The following PARD3B variants were observed in gnomAD, a reference collection of about 807,000 sequenced individuals.
PARD3B encodes the protein partitioning defective 3 homolog B.
PARD3B carries 103 observed loss-of-function variants against 130.2 expected under a neutral mutation model. The observed-to-expected ratio is 0.79, with a 90% CI of 0.67 to 0.93. The LOEUF (loss-of-function observed/expected upper bound fraction) is 0.93, where lower values mean the gene tolerates loss of function less well. PARD3B is among the 40% of genes least tolerant of loss of function. The probability of loss-of-function intolerance (pLI) is 0.00; values close to 1 mark genes in which losing one functional copy is unlikely to be tolerated. For missense variants in PARD3B, 1,609 were observed against 1,499.2 expected, an observed-to-expected ratio of 1.07 and a Z score of -1.21; for synonymous variants, 583 against 553.2, an observed-to-expected ratio of 1.05 and a Z score of -0.76.
At chr2:205,304,288 G>A (rs1179926581) in intron 18 of PARD3B, among the ~76,000 whole-genome samples, 1 of 152,064 alleles carries the variant, frequency 6.6e-6, no homozygotes, top group Non-Finnish European at 1.5e-5. Flanking sequence ...GCTATCACCT[G>A]GGGTGAGGTT....
chr2:205,330,159 G>A (rs1442104450), intron 18 of PARD3B, among the ~76,000 whole-genome samples: 1 of 151,426 alleles, frequency 6.6e-6, no homozygotes, highest in Non-Finnish European at 1.5e-5. Context: ...TGACCAACAT[G>A]GAGAAACCCT....
chr2:205,252,292 T>A (rs769789130), intron 16 of PARD3B, among the ~76,000 whole-genome samples: 6 of 152,180 alleles, frequency 3.9e-5, no homozygotes, highest in Non-Finnish European at 8.8e-5. Context: ...TACACAGATA[T>A]TGTGTTAAGT....
chr2:205,041,787 C>T (rs1286086242), intron 3 of PARD3B, among the ~76,000 whole-genome samples: 3 of 152,124 alleles, frequency 2.0e-5, no homozygotes, highest in African/African-American at 7.2e-5. Flanking sequence ...TGCCTTGTAA[C>T]TTTTGATGTG....
At chr2:204,897,335 C>T (rs1383673997) in intron 2 of PARD3B, among the ~76,000 whole-genome samples, 1 of 148,432 alleles carries the variant, frequency 6.7e-6, no homozygotes, top group African/African-American at 2.5e-5. Context: ...TTGTGTGTAG[C>T]TCAGTGTGTA....
intron 2 of PARD3B, among the ~76,000 whole-genome samples, chr2:204,912,129 G>C (rs2047260489): frequency 6.6e-6 from 1 of 152,028 alleles, no homozygotes; most frequent in Admixed American, 6.6e-5. Context: ...GTATTCATTT[G>C]GGTTATTCAT....
chr2:205,560,943 G>A (rs1445463963), intron 22 of PARD3B, among the ~76,000 whole-genome samples: 3 of 152,140 alleles, frequency 2.0e-5, no homozygotes, highest in Non-Finnish European at 4.4e-5. Context: ...GAAGAAATAC[G>A]CCATAAGAGC....
intron 18 of PARD3B, among the ~76,000 whole-genome samples, chr2:205,344,269 T>A (rs1008955559): frequency 2.0e-5 from 3 of 150,784 alleles, no homozygotes; most frequent in African/African-American, 7.3e-5. Context: ...GCCGTGGAAC[T>A]GTTAAAAGAC....
chr2:204,588,871 G>C (rs1445525195), intron 1 of PARD3B, among the ~76,000 whole-genome samples: 1 of 152,052 alleles, frequency 6.6e-6, no homozygotes, highest in African/African-American at 2.4e-5. Context: ...AGAGGGCTAG[G>C]CATCTGTACT....
At chr2:205,221,817 T>C (rs1369568847) in intron 15 of PARD3B, among the ~76,000 whole-genome samples, 1 of 152,182 alleles carries the variant, frequency 6.6e-6, no homozygotes, top group East Asian at 1.9e-4. Flanking sequence ...CATGCCTGTC[T>C]TGGTAAAAGT....
Position 205,575,084 on chromosome 2 carries a change from GACACACACAC to G in PARD3B, c.3260+21702_3260+21711del, listed in dbSNP as rs3077829. On this transcript the variant is annotated intron_variant, in intron 22 of 22. Transcript: ENST00000406610. This position sits in a 1 kb window ranked among gnomAD's most constrained non-coding sequence, Gnocchi z 4.6. ...AATACATTATATACACATTTAAATA[GACACACACAC>G]ACACACACACACACACACACGCGTA... Among the ~76,000 whole-genome samples the G allele has an allele frequency of 6.2e-5, 8 of 128,520 alleles. No individual in the cohort carries two copies. Among genetic ancestry groups the G allele is most frequent in the East Asian group, 2.3e-4 (1 of 4,412 alleles). 84.3% of individuals were successfully genotyped at this position (128,520 alleles called of 152,430 possible).
At chr2:205,444,820 T>A (rs1318618166) in intron 20 of PARD3B, among the ~76,000 whole-genome samples, 1 of 152,192 alleles carries the variant, frequency 6.6e-6, no homozygotes, top group Non-Finnish European at 1.5e-5. Flanking sequence ...TTAGCAGATA[T>A]CACAGACATG....
chr2:204,568,411 T>C (rs907860417), intron 1 of PARD3B, among the ~76,000 whole-genome samples: 2 of 152,212 alleles, frequency 1.3e-5, no homozygotes, highest in Admixed American at 1.3e-4. Flanking sequence ...TGTTCTTGAC[T>C]GGGAAACCAT....
At chr2:205,529,648 G>A (rs547552948) in intron 21 of PARD3B, among the ~76,000 whole-genome samples, 122 of 152,214 alleles carry the variant, frequency 8.0e-4, no homozygotes, top group African/African-American at 2.6e-3. Context: ...TTACTGACAC[G>A]GCTGTTTGAG....
intron 20 of PARD3B, among the ~76,000 whole-genome samples, chr2:205,494,288 T>G (rs1228138314): frequency 6.6e-6 from 1 of 152,194 alleles, no homozygotes; most frequent in African/African-American, 2.4e-5. Context: ...CTTATACATA[T>G]GTAATCACAG....
intron 22 of PARD3B, among the ~76,000 whole-genome samples, chr2:205,596,906 G>A (rs1310375814): frequency 6.6e-6 from 1 of 152,134 alleles, no homozygotes; most frequent in Non-Finnish European, 1.5e-5. Flanking sequence ...GAGATAGTCA[G>A]AATTGGGAGG....
chr2:204,976,603 A>ATTTTT (rs35902126), intron 3 of PARD3B, among the ~76,000 whole-genome samples: 1 of 83,218 alleles, frequency 1.2e-5, no homozygotes, highest in African/African-American at 4.7e-5. Context: ...TAGGTAATTG[A>ATTTTT]TTTTTTTTTT....
In PARD3B at chr2:204,677,265, C is replaced by T. The variant is rs776152332; in HGVS notation, c.121-8916C>T. Reference sequence around the variant, plus strand: ...CTCAACTGAAAAGACAATGAATACTCCAAGTCTAGATTAAAAACAGGTAGC... The same window carrying T: ...CTCAACTGAAAAGACAATGAATACTTCAAGTCTAGATTAAAAACAGGTAGC... On this transcript the variant is annotated intron_variant, in intron 1 of 22. Coordinates refer to ENST00000406610, the MANE Select transcript of PARD3B (RefSeq NM_001302769.2). This position sits in a 1 kb window ranked among gnomAD's most constrained non-coding sequence, Gnocchi z 4.1. Among the ~76,000 whole-genome samples the T allele has an allele frequency of 3.8e-4, 58 of 152,136 alleles. No homozygotes were observed. Among genetic ancestry groups the T allele is most frequent in the Admixed American group, 2.0e-4 (3 of 15,278 alleles).
At chr2:204,983,845 C>G (rs1261501827) in intron 3 of PARD3B, among the ~76,000 whole-genome samples, 1 of 152,160 alleles carries the variant, frequency 6.6e-6, no homozygotes, top group Non-Finnish European at 1.5e-5. Flanking sequence ...TATTATTTGT[C>G]CAATTCAGTA....
chr2:205,569,383 A>G (rs565475622), intron 22 of PARD3B, among the ~76,000 whole-genome samples: 1 of 152,224 alleles, frequency 6.6e-6, no homozygotes, highest in Middle Eastern at 3.2e-3. Context: ...CTTTTGCCTT[A>G]TAATTTTTTG....
Sources: gnomAD v4.1 joint callset for allele counts (sites outside exome capture counted in the v4.1 genomes callset) on GRCh38, gnomAD v4.1.1 for gene constraint, Gnocchi (gnomAD v3.1) non-coding constraint, MANE v1.5 for transcripts, NCBI Gene and HGNC (gene_info 2026-07-23, HGNC 2026-07-21) for gene names.